The following POU6F2 variants were observed in gnomAD, a reference collection of about 807,000 sequenced individuals.
POU6F2 encodes POU domain, class 6, transcription factor 2.
Under a neutral mutation model 71.3 loss-of-function variants are expected in POU6F2, and 31 were observed. That is an observed-to-expected ratio of 0.43 (90% CI 0.33 to 0.59). The LOEUF is 0.59. Ranked by LOEUF, POU6F2 falls within the 20% of genes least tolerant of loss-of-function variation. The probability of loss-of-function intolerance (pLI) is 0.04; values close to 1 mark genes in which losing one functional copy is unlikely to be tolerated. For synonymous variants in POU6F2, 347 were observed against 355.7 expected, an observed-to-expected ratio of 0.98 and a Z score of 0.27; for missense variants, 783 against 856.8, an observed-to-expected ratio of 0.91 and a Z score of 1.07.
intron 2 of POU6F2, among the ~76,000 whole-genome samples, chr7:39,185,602 G>A (rs867022042): frequency 4.6e-5 from 7 of 152,058 alleles, no homozygotes; most frequent in Admixed American, 2.6e-4. Flanking sequence ...GCTGCCCTGC[G>A]TTCCCTGGAA....
intron 4 of POU6F2, among the ~76,000 whole-genome samples, chr7:39,320,632 T>G (rs1358964378): frequency 2.0e-5 from 3 of 152,168 alleles, no homozygotes; most frequent in African/African-American, 7.2e-5. Flanking sequence ...GGGGCACATG[T>G]TCCAACACCC....
At chr7:39,124,912 C>T (rs1040802977) in intron 2 of POU6F2, among the ~76,000 whole-genome samples, 2 of 151,864 alleles carry the variant, frequency 1.3e-5, no homozygotes, top group African/African-American at 2.4e-5. Context: ...TTTGTATGTG[C>T]GTTTGTGTGT....
intron 6 of POU6F2, among the ~76,000 whole-genome samples, chr7:39,430,670 T>C (rs966104917): frequency 6.6e-6 from 1 of 152,164 alleles, no homozygotes; most frequent in African/African-American, 2.4e-5. Flanking sequence ...TTCATCACAG[T>C]GTGTTCTGTA....
At chr7:39,076,830 A>T (rs933476649) in intron 1 of POU6F2, among the ~76,000 whole-genome samples, 12 of 151,900 alleles carry the variant, frequency 7.9e-5, no homozygotes, top group African/African-American at 2.4e-4. Context: ...TCCATTCTGG[A>T]AACTATCTCA....
At chr7:39,098,376 C>T (rs143443282) in intron 2 of POU6F2, among the ~76,000 whole-genome samples, 120 of 152,052 alleles carry the variant, frequency 7.9e-4, no homozygotes, top group African/African-American at 2.7e-3. Flanking sequence ...TGGGCTCAAG[C>T]GATCCTCCCA....
chr7:39,210,323 C>T (rs541984971), intron 4 of POU6F2, among the ~76,000 whole-genome samples: 1 of 152,146 alleles, frequency 6.6e-6, no homozygotes, highest in South Asian at 2.1e-4. Context: ...ACAGTTCGGC[C>T]AACTGGAATT....
intron 4 of POU6F2, among the ~76,000 whole-genome samples, chr7:39,306,514 C>T (rs965796671): frequency 6.6e-6 from 1 of 152,146 alleles, no homozygotes; most frequent in Admixed American, 6.6e-5. Flanking sequence ...GCCATCCTAC[C>T]ACTATTACAT....
chr7:38,989,343 TAAA>T (rs1337564273), intron 1 of POU6F2, among the ~76,000 whole-genome samples: 2 of 152,064 alleles, frequency 1.3e-5, no homozygotes, highest in Non-Finnish European at 2.9e-5. Context: ...ATTCTTTTGT[TAAA>T]TAATAATTAT....
At chr7:39,082,919 A>G (rs1791157179) in intron 1 of POU6F2, among the ~76,000 whole-genome samples, 2 of 152,262 alleles carry the variant, frequency 1.3e-5, no homozygotes, top group Middle Eastern at 3.4e-3. Flanking sequence ...TACTTGAATG[A>G]CAAACTCTTG....
intron 2 of POU6F2, among the ~76,000 whole-genome samples, chr7:39,126,774 A>G (rs567658987): frequency 6.6e-6 from 1 of 152,226 alleles, no homozygotes; most frequent in Non-Finnish European, 1.5e-5. Context: ...GTATATGGAA[A>G]TCAGAGATAC....
chr7:39,095,146 C>T (rs1791430345), intron 2 of POU6F2, among the ~76,000 whole-genome samples: 1 of 152,164 alleles, frequency 6.6e-6, no homozygotes, highest in South Asian at 2.1e-4. Context: ...AAAACTTTCA[C>T]AAACTTTTGG....
chr7:39,045,480 T>C (rs2128712833), intron 1 of POU6F2, among the ~76,000 whole-genome samples: 1 of 152,038 alleles, frequency 6.6e-6, no homozygotes, highest in South Asian at 2.1e-4. Flanking sequence ...TAAACCTTCT[T>C]GATCTCTCTG....
At chr7:39,358,216 G>A (rs946448894) in intron 5 of POU6F2, among the ~76,000 whole-genome samples, 3 of 152,014 alleles carry the variant, frequency 2.0e-5, no homozygotes, top group Non-Finnish European at 4.4e-5. Context: ...AGCTTTTGAA[G>A]ATACCTACAG....
intron 5 of POU6F2, among the ~76,000 whole-genome samples, chr7:39,372,887 CTGAG>C (rs1252679696): frequency 6.6e-6 from 1 of 152,030 alleles, no homozygotes; most frequent in Non-Finnish European, 1.5e-5. Context: ...ACCCTTGCTA[CTGAG>C]TAATAGTAAG....
intron 2 of POU6F2, among the ~76,000 whole-genome samples, chr7:39,105,886 T>G (rs1040617795): frequency 7.9e-5 from 12 of 152,208 alleles, no homozygotes; most frequent in Middle Eastern, 3.2e-3. Context: ...AAAGCCAAGA[T>G]GGAACCTAGT....
At chr7:39,069,052 CAG>C (rs1162147800) in intron 1 of POU6F2, among the ~76,000 whole-genome samples, 5 of 152,122 alleles carry the variant, frequency 3.3e-5, no homozygotes, top group Non-Finnish European at 7.3e-5. Flanking sequence ...GCCTTCTGTA[CAG>C]AATATAGAAC....
intron 2 of POU6F2, among the ~76,000 whole-genome samples, chr7:39,135,627 A>G (rs1792374415): frequency 6.6e-6 from 1 of 152,146 alleles, no homozygotes; most frequent in African/African-American, 2.4e-5. Flanking sequence ...AACCTCTTGG[A>G]ACACTAACAG....
chr7:39,174,722 C>T (rs1793293717), intron 2 of POU6F2, among the ~76,000 whole-genome samples: 1 of 152,130 alleles, frequency 6.6e-6, no homozygotes, highest in Non-Finnish European at 1.5e-5. Flanking sequence ...CACTTGGCTC[C>T]TTCACATCTG....
chr7:39,212,694 G>T (rs1794164090), intron 4 of POU6F2, among the ~76,000 whole-genome samples: 1 of 152,178 alleles, frequency 6.6e-6, no homozygotes. Flanking sequence ...AAACTCCAAA[G>T]AAAGAAGATA....
Sources: gnomAD v4.1 joint callset for allele counts (sites outside exome capture counted in the v4.1 genomes callset) on GRCh38, gnomAD v4.1.1 for gene constraint, MANE v1.5 for transcripts, NCBI Gene and HGNC (gene_info 2026-07-23, HGNC 2026-07-21) for gene names.